QSOX2: variants seen among roughly 807,000 people sequenced by gnomAD.
QSOX2 encodes quiescin sulfhydryl oxidase 2.
A neutral mutation model predicts 61.7 loss-of-function variants in QSOX2; 46 were observed. That is an observed-to-expected ratio of 0.75 (90% CI 0.59 to 0.95). The LOEUF (loss-of-function observed/expected upper bound fraction) is 0.95. Among genes scored for constraint, QSOX2 ranks in the 40% least tolerant of loss-of-function variants. The pLI is 0.00. For missense variants in QSOX2, 879 were observed against 918.9 expected (o/e 0.96, Z 0.56); for synonymous variants, 383 against 388.4 (o/e 0.99, Z 0.16).
intron 1 of QSOX2, among the ~76,000 whole-genome samples, chr9:136,228,152 AG>A (rs1449751374): frequency 6.6e-6 from 1 of 152,138 alleles, no homozygotes; most frequent in Non-Finnish European, 1.5e-5. Context: ...ATTACTTTGT[AG>A]GTAGTGGAAC....
intron 1 of QSOX2, among the ~76,000 whole-genome samples, chr9:136,240,167 C>G (rs1013051518): frequency 2.0e-5 from 3 of 152,236 alleles, no homozygotes; most frequent in African/African-American, 7.2e-5. Flanking sequence ...AATGAGACCG[C>G]AGGCCTATTC....
Position 136,223,715 on chromosome 9 carries a change from C to G in QSOX2, c.675+48G>C, listed in dbSNP as rs773151876. 1 of 1,487,868 alleles carries G rather than the reference C, an allele frequency of 6.7e-7. No individual in the cohort carries two copies. Among genetic ancestry groups the G allele is most frequent in the South Asian group, 1.1e-5 (1 of 87,202 alleles). The allele number at this position is 1,487,868 out of a possible 1,614,324, so 92.2% of individuals were successfully genotyped here. ...AATCTCATCACAGATCCACCGCCAA[C>G]CCCAATCACACCACGTGTGACACCT... On this transcript the variant is annotated intron_variant, in intron 5 of 11. Coordinates refer to ENST00000358701, the MANE Select transcript of QSOX2 (RefSeq NM_181701.4). This position sits in a 1 kb window ranked among gnomAD's most constrained non-coding sequence, Gnocchi z 4.4.
chr9:136,212,289 AC>A (rs1200901047), intron 10 of QSOX2, among the ~76,000 whole-genome samples: 1 of 152,194 alleles, frequency 6.6e-6, no homozygotes, highest in Non-Finnish European at 1.5e-5. Context: ...AGGAGCTTGA[AC>A]GCACAGATAG....
rs200487085 is a variant in QSOX2 at position 136,209,227 on chromosome 9, G to A, written c.1598C>T (p.Pro533Leu). ...PRFPKLQWPT[P>L]DLCPACHEEI... ...CTCATGGCAGGCTGGGCAGAGGTCC[G>A]GAGTGGGCCACTGAAGCTTTGGAAA... is the stretch of plus-strand genomic sequence containing the variant. Residue 533 changes from proline to leucine, a missense_variant, in exon 12 of 12, where the codon CCG becomes CTG. Physicochemically the swap from Pro to Leu is moderately conservative, Grantham distance 98. Coordinates refer to ENST00000358701, the MANE Select transcript of QSOX2 (RefSeq NM_181701.4). The surrounding 1 kb of genome is among the most constrained non-coding windows in gnomAD (Gnocchi z 5.6). 4.7e-5 allele frequency: 76 copies of A among 1,613,808 alleles called. No individual in the cohort carries two copies. In the Middle Eastern group the frequency reaches 1.5e-3, roughly 31 times the overall value.
At chr9:136,232,941 A>C (rs916180839) in intron 1 of QSOX2, among the ~76,000 whole-genome samples, 2 of 151,364 alleles carry the variant, frequency 1.3e-5, no homozygotes, top group African/African-American at 2.4e-5. Flanking sequence ...AAAAAAAAGA[A>C]AAAAGAAAAA....
At chr9:136,227,658 C>A (rs1219986804) in intron 1 of QSOX2, among the ~76,000 whole-genome samples, 1 of 152,202 alleles carries the variant, frequency 6.6e-6, no homozygotes, top group Admixed American at 6.5e-5. Context: ...TACACAAAAC[C>A]CACCAGGCTT....
At position 136,207,900 on chromosome 9, in the gene QSOX2, A is replaced by T. The variant is rs1831788860; in HGVS notation, c.*828T>A. The T allele has an allele frequency of 6.6e-6, 1 of 152,242 alleles. No individual in the cohort carries two copies. The highest frequency in any genetic ancestry group is 1.5e-5 in the Non-Finnish European group (1 of 68,080). The allele number at this position is 152,242 out of a possible 1,614,324, so 9.4% of individuals were successfully genotyped here. On this transcript the variant is annotated 3_prime_UTR_variant, in exon 12 of 12. Transcript: ENST00000358701. ...CCCGCCGTCCCAACGGCCCCCATTT[A>T]CTTGTCTCTCTCTTGTCACCAGATA...
At chr9:136,235,529 G>A (rs1830373512) in intron 1 of QSOX2, among the ~76,000 whole-genome samples, 1 of 152,256 alleles carries the variant, frequency 6.6e-6, no homozygotes, top group Admixed American at 6.5e-5. Context: ...TTCACAAGAG[G>A]CTGCAGATCT....
intron 1 of QSOX2, 58 bp downstream of exon 1, chr9:136,245,418 G>T: frequency 1.4e-6 from 2 of 1,457,134 alleles, no homozygotes; most frequent in South Asian, 1.2e-5. Flanking sequence ...GTCGCAAGGG[G>T]TCCCGGAAGG....
At chr9:136,211,873 C>A (rs1032847873) in intron 10 of QSOX2, among the ~76,000 whole-genome samples, 1 of 152,220 alleles carries the variant, frequency 6.6e-6, no homozygotes, top group Non-Finnish European at 1.5e-5. Flanking sequence ...TCTTGCCTTA[C>A]AAGCAACTCT....
chr9:136,218,132 C>G (rs1223559097), intron 8 of QSOX2, among the ~76,000 whole-genome samples: 1 of 152,222 alleles, frequency 6.6e-6, no homozygotes, highest in Non-Finnish European at 1.5e-5. Context: ...TGGGCACGGC[C>G]AGGCCTGAGC....
intron 1 of QSOX2, among the ~76,000 whole-genome samples, chr9:136,228,561 C>T (rs972953643): frequency 3.3e-5 from 5 of 152,242 alleles, no homozygotes; most frequent in African/African-American, 1.2e-4. Context: ...AGGGGCACCA[C>T]TGGGTCAAGG....
intron 1 of QSOX2, among the ~76,000 whole-genome samples, chr9:136,233,685 G>A (rs1405263598): frequency 2.0e-5 from 3 of 152,230 alleles, no homozygotes; most frequent in Admixed American, 2.0e-4. Context: ...AAAGGGAGGG[G>A]AGAAGGGTTC....
chr9:136,218,541 G>C, intron 8 of QSOX2, 138 bp downstream of exon 8: 1 of 1,031,790 alleles, frequency 9.7e-7, no homozygotes, highest in South Asian at 1.7e-5. Flanking sequence ...GAGTTGGGGC[G>C]TGGGCCTGGG....
At chr9:136,245,446 G>T (rs782720647) in intron 1 of QSOX2, 30 bp downstream of exon 1, 8 of 1,552,406 alleles carry the variant, frequency 5.2e-6, no homozygotes, top group South Asian at 4.6e-5. Flanking sequence ...CCCGGGGGTC[G>T]GGGGGTCCCC....
At chr9:136,217,088 G>A (rs958516891) in intron 8 of QSOX2, among the ~76,000 whole-genome samples, 3 of 152,242 alleles carry the variant, frequency 2.0e-5, no homozygotes, top group Non-Finnish European at 4.4e-5. Context: ...CCTTCCTCAC[G>A]AGGAGCTGTG....
intron 11 of QSOX2, chr9:136,210,970 A>C (rs1588631729): frequency 1.1e-6 from 1 of 914,228 alleles, no homozygotes; most frequent in Non-Finnish European, 1.3e-6. Flanking sequence ...TCAGAGTCTA[A>C]CGGGCTACCA....
chr9:136,240,847 C>T (rs757362816), intron 1 of QSOX2, among the ~76,000 whole-genome samples: 54 of 152,358 alleles, frequency 3.5e-4, no homozygotes, highest in Admixed American at 5.9e-4. Context: ...TCGAAGGGTG[C>T]TCCGAGGTGA....
At position 136,216,584 on chromosome 9, in the gene QSOX2, G is replaced by C; in HGVS notation, c.1209+16C>G. 1.2e-6 allele frequency: 2 copies of C among 1,612,972 alleles called. No individual in the cohort carries two copies. The highest frequency in any genetic ancestry group is 1.7e-6 in the Non-Finnish European group (2 of 1,179,330). ...AAGGAGGGTGCAGCGTGGCTGGCGAGGGTTCTGGGGCTCACCCGCATCTTG... is the reference window on the plus strand; with the variant it reads ...AAGGAGGGTGCAGCGTGGCTGGCGACGGTTCTGGGGCTCACCCGCATCTTG... On this transcript the variant is annotated intron_variant, in intron 9 of 11. Coordinates refer to ENST00000358701, the MANE Select transcript of QSOX2 (RefSeq NM_181701.4).
Sources: allele counts gnomAD v4.1 joint callset (sites outside exome capture counted in the v4.1 genomes callset), GRCh38; gene constraint gnomAD v4.1.1; non-coding constraint Gnocchi (gnomAD v3.1); transcripts MANE v1.5; gene names NCBI Gene and HGNC (gene_info 2026-07-23, HGNC 2026-07-21).